The following ZFYVE9 variants were observed in gnomAD, a reference collection of about 807,000 sequenced individuals.
ZFYVE9 encodes the protein zinc finger FYVE domain-containing protein 9.
ZFYVE9 carries 43 observed loss-of-function variants against 126.7 expected under a neutral mutation model. That is an observed-to-expected ratio of 0.34 (90% CI 0.27 to 0.44). The LOEUF is 0.44. Among genes scored for constraint, ZFYVE9 ranks in the 20% least tolerant of loss-of-function variants. The probability of loss-of-function intolerance (pLI) is 1.00; values close to 1 mark genes in which losing one functional copy is unlikely to be tolerated. For missense variants in ZFYVE9, 1,476 were observed against 1,697.0 expected, an observed-to-expected ratio of 0.87 and a Z score of 2.29; for synonymous variants, 521 against 597.4, an observed-to-expected ratio of 0.87 and a Z score of 1.87.
At chr1:52,235,812 C>T (rs539613357) in intron 3 of ZFYVE9, among the ~76,000 whole-genome samples, 4 of 152,200 alleles carry the variant, frequency 2.6e-5, no homozygotes, top group Non-Finnish European at 4.4e-5. Flanking sequence ...AATTCAAGCT[C>T]GCTTACCTCA....
intron 12 of ZFYVE9, among the ~76,000 whole-genome samples, chr1:52,300,880 G>A (rs1456948733): frequency 1.4e-5 from 2 of 146,298 alleles, no homozygotes; most frequent in Non-Finnish European, 3.0e-5. Context: ...TTTTTTTTGA[G>A]ACAGAGTCTC....
At chr1:52,293,376 C>CAAAAAA (rs376379860) in intron 10 of ZFYVE9, 77 bp from the exon 11 acceptor site, 29 of 604,132 alleles carry the variant, frequency 4.8e-5, no homozygotes, top group Admixed American at 2.7e-4. Context: ...GACTCCGTCT[C>CAAAAAA]AAAAAAAAAA....
intron 1 of ZFYVE9, among the ~76,000 whole-genome samples, chr1:52,156,374 T>TGTAATTCATAC (rs1317080789): frequency 6.6e-6 from 1 of 152,212 alleles, no homozygotes; most frequent in Non-Finnish European, 1.5e-5. Context: ...TACATGGATA[T>TGTAATTCATAC]ATATAGGGAC....
chr1:52,142,270 G>A lies in ZFYVE9; in HGVS notation c.-276G>A, dbSNP rs1644265181. The A allele has an allele frequency of 1.3e-5, 2 of 151,684 alleles. No individual in the cohort carries two copies. The highest frequency in any genetic ancestry group is 1.3e-4 in the Admixed American group (2 of 15,236). The allele number at this position is 151,684 out of a possible 1,614,324, so 9.4% of individuals were successfully genotyped here. ...TAGCAGCAGTAGCAGCCGCAGCTGC[G>A]GCTACCGCAGCTCCTACAGGAGTGG... On this transcript the variant is annotated 5_prime_UTR_variant, in exon 1 of 19. Transcript: ENST00000287727. This position sits in a 1 kb window ranked among gnomAD's most constrained non-coding sequence, Gnocchi z 4.5.
intron 8 of ZFYVE9, among the ~76,000 whole-genome samples, chr1:52,277,288 A>G (rs1384904985): frequency 2.0e-5 from 3 of 152,186 alleles, no homozygotes; most frequent in Non-Finnish European, 4.4e-5. Context: ...TTTTTATTTT[A>G]ATAAATCTTA....
intron 13 of ZFYVE9, among the ~76,000 whole-genome samples, chr1:52,318,595 A>G (rs546934373): frequency 1.3e-5 from 2 of 152,100 alleles, no homozygotes; most frequent in East Asian, 1.9e-4. Flanking sequence ...AATAAGGGGA[A>G]AAAAAATAAG....
chr1:52,306,392 G>C lies in ZFYVE9; in HGVS notation c.3438+2467G>C, dbSNP rs889723273. On this transcript the variant is annotated intron_variant, in intron 13 of 18. Transcript: ENST00000287727. ...CCTCTCTGCTGAGAGCTGAATACTC[G>C]ATTTGACAACCTGCCTGTAGAGAGG... is the stretch of plus-strand genomic sequence containing the variant. Among the ~76,000 whole-genome samples, 38 of 152,064 alleles carry C rather than the reference G, an allele frequency of 2.5e-4. 2 individuals carry two copies. Among genetic ancestry groups the C allele is most frequent in the Admixed American group, 1.5e-3 (23 of 15,270 alleles).
intron 4 of ZFYVE9, among the ~76,000 whole-genome samples, chr1:52,249,471 T>C (rs907918914): frequency 3.3e-5 from 5 of 152,200 alleles, no homozygotes; most frequent in African/African-American, 1.2e-4. Flanking sequence ...TCAGGTCTTT[T>C]GCCCATTTTT....
chr1:52,224,481 G>T (rs907825728), intron 2 of ZFYVE9, among the ~76,000 whole-genome samples: 1 of 152,154 alleles, frequency 6.6e-6, no homozygotes, highest in Non-Finnish European at 1.5e-5. Context: ...GATAGAGAAG[G>T]ACAGGTCTTT....
chr1:52,330,489 G>A (rs554208311), intron 13 of ZFYVE9, among the ~76,000 whole-genome samples: 3 of 152,204 alleles, frequency 2.0e-5, no homozygotes, highest in South Asian at 4.1e-4. Context: ...GGAAAGGGGT[G>A]GGGAATTCCT....
intron 1 of ZFYVE9, among the ~76,000 whole-genome samples, chr1:52,158,252 G>C (rs931938259): frequency 6.6e-6 from 1 of 152,188 alleles, no homozygotes; most frequent in Non-Finnish European, 1.5e-5. Flanking sequence ...CAGTCCTGCT[G>C]GTACCCTGGC....
intron 1 of ZFYVE9, among the ~76,000 whole-genome samples, chr1:52,145,978 A>T (rs1196941860): frequency 6.6e-6 from 1 of 151,878 alleles, no homozygotes. Context: ...TTCTTAGTAC[A>T]GTCAGATCTC....
chr1:52,209,555 C>A (rs1210981877), intron 1 of ZFYVE9, among the ~76,000 whole-genome samples: 1 of 152,116 alleles, frequency 6.6e-6, no homozygotes, highest in Non-Finnish European at 1.5e-5. Flanking sequence ...GTGGACGTGC[C>A]TATTCTGGAC....
At chr1:52,165,039 T>C (rs1416105348) in intron 1 of ZFYVE9, among the ~76,000 whole-genome samples, 1 of 152,116 alleles carries the variant, frequency 6.6e-6, no homozygotes, top group Non-Finnish European at 1.5e-5. Flanking sequence ...TGTGGACATA[T>C]TTAATGCCAC....
At chr1:52,315,882 G>T (rs116408235) in intron 13 of ZFYVE9, among the ~76,000 whole-genome samples, 1,888 of 152,234 alleles carry the variant, frequency 0.012, 32 homozygotes, top group African/African-American at 0.043. Context: ...AAACACGGCC[G>T]GGGCTGGGCG....
At chr1:52,152,975 C>T (rs1644371038) in intron 1 of ZFYVE9, among the ~76,000 whole-genome samples, 1 of 152,216 alleles carries the variant, frequency 6.6e-6, no homozygotes, top group African/African-American at 2.4e-5. Context: ...GAAAAAATCT[C>T]AGTCAACCTA....
chr1:52,234,069 C>T (rs1645250194), intron 3 of ZFYVE9, among the ~76,000 whole-genome samples: 1 of 152,182 alleles, frequency 6.6e-6, no homozygotes, highest in South Asian at 2.1e-4. Context: ...GCATGAGCCA[C>T]CACGCCTGGC....
chr1:52,162,286 T>C, intron 1 of ZFYVE9: 1 of 370,396 alleles, frequency 2.7e-6, no homozygotes, highest in Non-Finnish European at 5.5e-6. Context: ...AGTCTTCATA[T>C]CTGTCATATC....
intron 1 of ZFYVE9, among the ~76,000 whole-genome samples, chr1:52,152,429 A>G (rs1053049699): frequency 6.6e-6 from 1 of 152,198 alleles, no homozygotes; most frequent in African/African-American, 2.4e-5. Context: ...TTGAACTCTC[A>G]GATGATAGGC....
Sources: gnomAD v4.1 joint callset for allele counts (sites outside exome capture counted in the v4.1 genomes callset) on GRCh38, gnomAD v4.1.1 for gene constraint, Gnocchi (gnomAD v3.1) non-coding constraint, MANE v1.5 for transcripts, NCBI Gene and HGNC (gene_info 2026-07-23, HGNC 2026-07-21) for gene names.